CPD: variants seen among roughly 807,000 people sequenced by gnomAD.
The protein encoded by CPD is carboxypeptidase D, also known as metallocarboxypeptidase D.
CPD carries 69 observed loss-of-function variants against 138.3 expected under a neutral mutation model. That is an observed-to-expected ratio of 0.50 (90% CI 0.41 to 0.61). CPD has a LOEUF of 0.61. Among genes scored for constraint, CPD ranks in the 20% least tolerant of loss-of-function variants. CPD has a pLI of 0.00. For missense variants in CPD, 1,432 were observed against 1,733.3 expected, an observed-to-expected ratio of 0.83 and a Z score of 3.09; for synonymous variants, 651 against 642.1, an observed-to-expected ratio of 1.01 and a Z score of -0.21.
chr17:30,426,793 C>T (rs995722326), intron 6 of CPD, among the ~76,000 whole-genome samples: 1 of 152,140 alleles, frequency 6.6e-6, no homozygotes, highest in Non-Finnish European at 1.5e-5. Flanking sequence ...TTGTTATCAT[C>T]CTTGCTTTAA....
chr17:30,385,711 G>A (rs557320914), intron 2 of CPD, among the ~76,000 whole-genome samples: 5 of 150,854 alleles, frequency 3.3e-5, no homozygotes, highest in Admixed American at 6.7e-5. Flanking sequence ...CATGCCATCC[G>A]TAACTCAGAT....
rs777773128 is a variant in CPD at position 30,378,978 on chromosome 17, A to G, written c.-3A>G. On this transcript the variant is annotated 5_prime_UTR_variant, in exon 1 of 21. Transcript: ENST00000225719. ...GAGCCGGGGTTAGCGGCGCTGCTGG[A>G]AGATGGCGAGCGGCCGGGACGAGCG... 2.8e-5 allele frequency: 42 copies of G among 1,524,922 alleles called. No homozygotes were observed. Among genetic ancestry groups the G allele is most frequent in the Non-Finnish European group, 3.7e-5 (42 of 1,147,586 alleles). The allele number at this position is 1,524,922 out of a possible 1,614,324, so 94.5% of individuals were successfully genotyped here. A position where few individuals can be genotyped will look rare whatever the true frequency, so the allele number is the denominator to read the frequency against.
At chr17:30,410,293 C>T (rs980602036) in intron 2 of CPD, among the ~76,000 whole-genome samples, 6 of 151,922 alleles carry the variant, frequency 3.9e-5, no homozygotes, top group East Asian at 3.9e-4. Context: ...GGTCAATTTT[C>T]GCATAAGTGT....
Position 30,379,616 on chromosome 17 carries a change from C to T in CPD, c.636C>T (p.Arg212=). 1 of 1,479,092 alleles carries T rather than the reference C, an allele frequency of 6.8e-7. No individual in the cohort carries two copies. The highest frequency in any genetic ancestry group is 1.3e-5 in the South Asian group (1 of 76,026). The allele number at this position is 1,479,092 out of a possible 1,614,324, so 91.6% of individuals were successfully genotyped here. The change falls in exon 1 of 21, where the codon CGC becomes CGT. Residue 212 remains arginine (R), a synonymous_variant. Coordinates refer to ENST00000225719, the MANE Select transcript of CPD (RefSeq NM_001304.5). The surrounding 1 kb of genome is among the most constrained non-coding windows in gnomAD (Gnocchi z 7.0). ...PSGASGRDNS[R]GRDLNRSFPD... ...GGGCCAGCGGCCGCGACAATAGTCG[C>T]GGCCGCGACCTCAACCGAAGCTTTC...
chr17:30,381,349 T>G (rs1911040426), intron 1 of CPD, among the ~76,000 whole-genome samples: 1 of 152,338 alleles, frequency 6.6e-6, no homozygotes, highest in African/African-American at 2.4e-5. Context: ...TGCAGGGATG[T>G]AAATTCTGTG....
chr17:30,456,476 G>A lies in CPD; in HGVS notation c.3448G>A (p.Gly1150Arg). 1 of 1,614,154 alleles carries A rather than the reference G, an allele frequency of 6.2e-7. No homozygotes were observed. Among genetic ancestry groups the A allele is most frequent in the South Asian group, 1.1e-5 (1 of 91,080 alleles). ...TGCTTTTATAGATGAGAATATTCCA[G>A]GAGGAGTAATGCGTGGAGCAGAATG... is the stretch of plus-strand genomic sequence containing the variant. ...CPNKSDENIP[G>R]GVMRGAEWHS... Residue 1150 changes from glycine (G) to arginine (R), a missense_variant, in exon 17 of 21, where the codon GGA becomes AGA. Gly to Arg is a moderately radical substitution (Grantham distance 125). Coordinates refer to ENST00000225719, the MANE Select transcript of CPD (RefSeq NM_001304.5).
intron 1 of CPD, 41 bp from the exon 2 acceptor site, chr17:30,384,948 G>A: frequency 6.3e-7 from 1 of 1,586,626 alleles, no homozygotes; most frequent in Non-Finnish European, 8.6e-7. Context: ...GGTGTTTTGT[G>A]TCCTTTTTTA....
intron 10 of CPD, among the ~76,000 whole-genome samples, chr17:30,443,355 T>G (rs571726298): frequency 6.6e-6 from 1 of 152,300 alleles, no homozygotes; most frequent in South Asian, 2.1e-4. Flanking sequence ...TATATTTAAA[T>G]GTCCATATTT....
Position 30,449,939 on chromosome 17 carries a change from T to C in CPD, c.3069+191T>C, listed in dbSNP as rs1425073617. ...CTTTGTTAATAGTGTCTTTCTATTA[T>C]ATTTCCTTGTATGTCTTAAGAGGCA... On this transcript the variant is annotated intron_variant, in intron 13 of 20. Transcript: ENST00000225719. Among the ~76,000 whole-genome samples the C allele has an allele frequency of 2.0e-5, 3 of 152,216 alleles. 1 individual carries two copies. The highest frequency in any genetic ancestry group is 7.2e-5 in the African/African-American group (3 of 41,462).
At chr17:30,416,312 A>C (rs1225645612) in intron 2 of CPD, among the ~76,000 whole-genome samples, 1 of 152,222 alleles carries the variant, frequency 6.6e-6, no homozygotes, top group Non-Finnish European at 1.5e-5. Context: ...AGCCTGGGCA[A>C]CAAGAGCGAA....
chr17:30,409,559 A>C (rs1911902455), intron 2 of CPD, among the ~76,000 whole-genome samples: 1 of 152,206 alleles, frequency 6.6e-6, no homozygotes, highest in South Asian at 2.1e-4. Flanking sequence ...TAAGAGATTC[A>C]ACTTCCTCCT....
rs1057188106 is a variant in CPD, at chr17:30,407,991, G to A, written c.995-12850G>A. On this transcript the variant is annotated intron_variant, in intron 2 of 20. Transcript: ENST00000225719. Reference sequence around the variant, plus strand: ...TTTAAAACATCTTGAGTTAATTTTTGTATGAGGTGTAAGGAAGGGATCCAG... The same window carrying A: ...TTTAAAACATCTTGAGTTAATTTTTATATGAGGTGTAAGGAAGGGATCCAG... Among the ~76,000 whole-genome samples, 5 of 152,144 alleles carry A rather than the reference G, an allele frequency of 3.3e-5. No homozygotes were observed. The East Asian group carries it at 9.6e-4, about 29-fold the overall frequency.
At position 30,426,021 on chromosome 17, in the gene CPD, A is replaced by C. The variant is rs576882121; in HGVS notation, c.1850-1370A>C. On this transcript the variant is annotated intron_variant, in intron 6 of 20. Coordinates refer to ENST00000225719, the MANE Select transcript of CPD (RefSeq NM_001304.5). ...CGAGACCAGCCTGGCCAACATGGTG[A>C]AACCTCATCTCTACTAAAGATACAA... 7.2e-5 allele frequency among the ~76,000 whole-genome samples: 11 copies of C among 152,090 alleles called. No homozygotes were observed. In the East Asian group the frequency reaches 1.9e-3, roughly 27 times the overall value.
chr17:30,414,840 G>A (rs1235903253), intron 2 of CPD, among the ~76,000 whole-genome samples: 1 of 152,154 alleles, frequency 6.6e-6, no homozygotes, highest in Non-Finnish European at 1.5e-5. Flanking sequence ...GTTTGGAGAA[G>A]ATAAGTAGTT....
intron 7 of CPD, 121 bp downstream of exon 7, chr17:30,427,679 T>C (rs780762461): frequency 3.8e-4 from 318 of 845,714 alleles, no homozygotes; most frequent in East Asian, 1.1e-3. Flanking sequence ...ACTGCTCTTA[T>C]GGCAGACAAC....
chr17:30,464,867 C>T lies in CPD; in HGVS notation c.*53C>T. On this transcript the variant is annotated 3_prime_UTR_variant, in exon 21 of 21. Coordinates refer to ENST00000225719, the MANE Select transcript of CPD (RefSeq NM_001304.5). ...TAAGTACCAAGCAAAATTACAGTTC[C>T]TCTTGGGAGAACACTGCATTAAGAA... is the stretch of plus-strand genomic sequence containing the variant. 7.2e-7 allele frequency: 1 copy of T among 1,395,136 alleles called. No homozygotes were observed. Among genetic ancestry groups the T allele is most frequent in the African/African-American group, 1.4e-5 (1 of 70,576 alleles). 86.4% of individuals were successfully genotyped at this position (1,395,136 alleles called of 1,614,324 possible). A position where few individuals can be genotyped will look rare whatever the true frequency, so the allele number is the denominator to read the frequency against.
chr17:30,433,456 C>T lies in CPD; in HGVS notation c.2127+1575C>T, dbSNP rs1257584824. The stretch of plus-strand genomic sequence containing the variant: ...ATTTACCTTTCTCTGTAGGGTAGAC[C>T]CATGGACATACCTTTTCAATGATTC... On this transcript the variant is annotated intron_variant, in intron 8 of 20. Coordinates refer to ENST00000225719, the MANE Select transcript of CPD (RefSeq NM_001304.5). Among the ~76,000 whole-genome samples, 3 of 152,076 alleles carry T rather than the reference C, an allele frequency of 2.0e-5. No individual in the cohort carries two copies. The East Asian group carries it at 5.8e-4, about 29-fold the overall frequency.
intron 2 of CPD, among the ~76,000 whole-genome samples, chr17:30,416,148 G>A (rs1437586657): frequency 2.6e-5 from 4 of 152,074 alleles, no homozygotes; most frequent in Non-Finnish European, 5.9e-5. Context: ...GCCTCAACAT[G>A]GGGAAACCCT....
In CPD at chr17:30,442,575, T is replaced by C. The variant is rs1013561722; in HGVS notation, c.2373+125T>C. The C allele has an allele frequency of 2.7e-5, 24 of 896,616 alleles. No individual in the cohort carries two copies. The African/African-American group carries it at 3.7e-4, about 14-fold the overall frequency. The allele number at this position is 896,616 out of a possible 1,614,324, so 55.5% of individuals were successfully genotyped here. On this transcript the variant is annotated intron_variant, in intron 10 of 20. Transcript: ENST00000225719. The stretch of plus-strand genomic sequence containing the variant: ...AAAATTTCAATTCATTTTAGTATAT[T>C]TAACCAGTTTGTATATTCCAAGGTG...
Sources: gnomAD v4.1 joint callset for allele counts (sites outside exome capture counted in the v4.1 genomes callset) on GRCh38, gnomAD v4.1.1 for gene constraint, Gnocchi (gnomAD v3.1) non-coding constraint, MANE v1.5 for transcripts, NCBI Gene and HGNC (gene_info 2026-07-23, HGNC 2026-07-21) for gene names.